The following CATSPER3 variants were observed in gnomAD, a reference collection of about 807,000 sequenced individuals.
CATSPER3 encodes cation channel sperm associated 3.
In CATSPER3, 23 loss-of-function variants were observed where a neutral mutation model predicts 36.6. The ratio of observed to expected loss-of-function variants is 0.63; its 90% CI spans 0.45 to 0.89. CATSPER3 has a LOEUF of 0.89. CATSPER3 is among the 40% of genes least tolerant of loss of function. The pLI, the probability that CATSPER3 is intolerant of heterozygous loss-of-function variation, is 0.00. For missense variants in CATSPER3, 474 were observed against 503.9 expected (o/e 0.94, Z 0.57); for synonymous variants, 172 against 184.1 (o/e 0.93, Z 0.53).
intron 2 of CATSPER3, among the ~76,000 whole-genome samples, chr5:134,990,355 A>T (rs1409997476): frequency 6.6e-6 from 1 of 152,210 alleles, no homozygotes; most frequent in Non-Finnish European, 1.5e-5. Flanking sequence ...GAGGACTTTC[A>T]GGTCCTAGGT....
At chr5:134,991,159 GAC>G (rs1211033001) in intron 2 of CATSPER3, among the ~76,000 whole-genome samples, 1 of 152,126 alleles carries the variant, frequency 6.6e-6, no homozygotes, top group African/African-American at 2.4e-5. Flanking sequence ...TAAATGAAAA[GAC>G]ATCCTGTGTT....
intron 2 of CATSPER3, among the ~76,000 whole-genome samples, chr5:134,981,708 A>G (rs1427382754): frequency 1.3e-5 from 2 of 152,232 alleles, no homozygotes; most frequent in African/African-American, 4.8e-5. Context: ...AATATTTAAA[A>G]CATTTGGTTT....
chr5:134,972,178 A>G (rs1751615680), intron 2 of CATSPER3, among the ~76,000 whole-genome samples: 1 of 152,196 alleles, frequency 6.6e-6, no homozygotes, highest in Admixed American at 6.5e-5. Context: ...CTGACGTGAC[A>G]CTCAAAGGAA....
chr5:135,008,735 G>T, intron 4 of CATSPER3, 106 bp from the exon 5 acceptor site: 1 of 954,724 alleles, frequency 1.0e-6, no homozygotes, highest in African/African-American at 1.6e-5. Flanking sequence ...CGTGGAAGCG[G>T]AGCCACCCTT....
chr5:135,010,109 C>T (rs529388340), intron 6 of CATSPER3, among the ~76,000 whole-genome samples: 55 of 152,302 alleles, frequency 3.6e-4, no homozygotes, highest in African/African-American at 2.6e-4. Flanking sequence ...CTGTCTTCAC[C>T]GTGCCCAAGG....
At chr5:134,987,593 C>T (rs976598245) in intron 2 of CATSPER3, among the ~76,000 whole-genome samples, 4 of 152,056 alleles carry the variant, frequency 2.6e-5, no homozygotes, top group Non-Finnish European at 4.4e-5. Flanking sequence ...CAGAAGCATA[C>T]TTAGCAGGAT....
rs753181107 is a variant in CATSPER3, at chr5:135,010,539, C to T, written c.1094+9C>T. 1 of 1,613,666 alleles carries T rather than the reference C, an allele frequency of 6.2e-7. No homozygotes were observed. Among genetic ancestry groups the T allele is most frequent in the East Asian group, 2.2e-5 (1 of 44,878 alleles). ...GACACAACTGTCCACAAGTCAGTTC[C>T]AGCCCCAGCCTTCCCTGGTCCCTAG... On this transcript the variant is annotated intron_variant, in intron 7 of 7. Coordinates refer to ENST00000282611, the MANE Select transcript of CATSPER3 (RefSeq NM_178019.3).
intron 7 of CATSPER3, among the ~76,000 whole-genome samples, chr5:135,011,091 G>A (rs970860425): frequency 1.3e-5 from 2 of 152,294 alleles, no homozygotes; most frequent in South Asian, 2.1e-4. Flanking sequence ...CAGGAGCTAC[G>A]GTGGGCTGTG....
At chr5:135,009,561 AG>A in intron 6 of CATSPER3, 71 bp downstream of exon 6, 1 of 1,552,130 alleles carries the variant, frequency 6.4e-7, no homozygotes, top group East Asian at 2.2e-5. Context: ...GGCCAGGAGG[AG>A]GGGCCGTGGT....
Position 135,010,462 on chromosome 5 carries a change from T to G in CATSPER3, c.1026T>G (p.Phe342Leu), listed in dbSNP as rs1404836193. The G allele has an allele frequency of 1.5e-5, 24 of 1,613,908 alleles. No homozygotes were observed. The highest frequency in any genetic ancestry group is 2.0e-5 in the Non-Finnish European group (24 of 1,179,740). The change falls in exon 7 of 8, where the codon TTT becomes TTG. Residue 342 changes from phenylalanine (F) to leucine (L), a missense_variant. By Grantham distance (22) the Phe-to-Leu change is conservative. Coordinates refer to ENST00000282611, the MANE Select transcript of CATSPER3 (RefSeq NM_178019.3). ...CTGACCCAATGGTCTTGGATGATTT[T>G]GGCACTAGCTTACCCTTCATCGATA... ...SHTDPMVLDD[F>L]GTSLPFIDIY...
At chr5:134,983,165 A>G (rs747401796) in intron 2 of CATSPER3, among the ~76,000 whole-genome samples, 3 of 152,236 alleles carry the variant, frequency 2.0e-5, no homozygotes, top group African/African-American at 4.8e-5. Context: ...TATATGACAT[A>G]TAGAAAACAA....
rs772897992 is a variant in CATSPER3, at chr5:135,008,010, C to T, written c.546C>T (p.Leu182=). 1 of 1,614,146 alleles carries T rather than the reference C, an allele frequency of 6.2e-7. No homozygotes were observed. The change falls in exon 4 of 8, where the codon CTC becomes CTT. Residue 182 remains leucine, a synonymous_variant. Coordinates refer to ENST00000282611, the MANE Select transcript of CATSPER3 (RefSeq NM_178019.3). Reference sequence around the variant, plus strand: ...TCTACACCGTGGCCTCTGTGCTCCTCCTGCTCTTCCTCCTCATGTACATCT... The same window carrying T: ...TCTACACCGTGGCCTCTGTGCTCCTTCTGCTCTTCCTCCTCATGTACATCT... ...QTVYTVASVL[L]LLFLLMYIFA...
At chr5:134,992,081 C>T (rs563853554) in intron 2 of CATSPER3, among the ~76,000 whole-genome samples, 1 of 150,274 alleles carries the variant, frequency 6.7e-6, no homozygotes, top group African/African-American at 2.5e-5. Context: ...ATGGTCATGC[C>T]ACTACACTCC....
intron 3 of CATSPER3, among the ~76,000 whole-genome samples, chr5:135,006,975 C>T (rs113891921): frequency 2.6e-4 from 40 of 152,216 alleles, no homozygotes; most frequent in African/African-American, 6.5e-4. Context: ...AGCGCCAAAC[C>T]GTTCCGCATG....
chr5:134,968,798 C>T (rs1355511327), intron 1 of CATSPER3: 9 of 151,858 alleles, frequency 5.9e-5, no homozygotes, highest in East Asian at 3.9e-4. Flanking sequence ...AACAGTAATA[C>T]GTACTCTGAG....
At chr5:134,983,915 G>A (rs1200086953) in intron 2 of CATSPER3, among the ~76,000 whole-genome samples, 1 of 152,198 alleles carries the variant, frequency 6.6e-6, no homozygotes, top group Non-Finnish European at 1.5e-5. Context: ...AACCGTAACA[G>A]CATGGTACTG....
chr5:134,974,208 A>G (rs774364584), intron 2 of CATSPER3, among the ~76,000 whole-genome samples: 1 of 152,066 alleles, frequency 6.6e-6, no homozygotes, highest in Non-Finnish European at 1.5e-5. Context: ...ATGAGCGTGC[A>G]CTCAGCAAAA....
intron 7 of CATSPER3, 37 bp from the exon 8 acceptor site, chr5:135,011,484 G>A (rs368129173): frequency 6.5e-7 from 1 of 1,526,890 alleles, no homozygotes; most frequent in Admixed American, 1.7e-5. Flanking sequence ...GCCTGCCTCT[G>A]ACCTCAGATC....
chr5:135,006,324 T>C (rs946499212), intron 3 of CATSPER3, among the ~76,000 whole-genome samples: 3 of 152,186 alleles, frequency 2.0e-5, no homozygotes, highest in Non-Finnish European at 4.4e-5. Context: ...TGGCACCAGC[T>C]TGTGGGCTGG....
Sources: gnomAD v4.1 joint callset for allele counts (sites outside exome capture counted in the v4.1 genomes callset) on GRCh38, gnomAD v4.1.1 for gene constraint, MANE v1.5 for transcripts, NCBI Gene and HGNC (gene_info 2026-07-23, HGNC 2026-07-21) for gene names.